NCAPD2: variants seen among roughly 807,000 people sequenced by gnomAD.
NCAPD2 encodes the protein non-SMC condensin I complex subunit D2.
In NCAPD2, 100 loss-of-function variants were observed where a neutral mutation model predicts 164.5. That is an observed-to-expected ratio of 0.61 (90% CI 0.52 to 0.72). NCAPD2 has a LOEUF of 0.72. Among genes scored for constraint, NCAPD2 ranks in the 30% least tolerant of loss-of-function variants. The probability of loss-of-function intolerance (pLI) is 0.00; values close to 1 mark genes in which losing one functional copy is unlikely to be tolerated. For synonymous variants in NCAPD2, 585 were observed against 642.6 expected, an observed-to-expected ratio of 0.91 and a Z score of 1.36; for missense variants, 1,560 against 1,749.2, an observed-to-expected ratio of 0.89 and a Z score of 1.93.
chr12:6,506,566 G>A (rs1263072413), intron 2 of NCAPD2, among the ~76,000 whole-genome samples: 1 of 151,652 alleles, frequency 6.6e-6, no homozygotes, highest in Non-Finnish European at 1.5e-5. Flanking sequence ...CTCCAGCCTG[G>A]GCGACAGAGA....
At chr12:6,501,250 T>G (rs1946032783) in intron 2 of NCAPD2, among the ~76,000 whole-genome samples, 1 of 143,814 alleles carries the variant, frequency 7.0e-6, no homozygotes, top group Non-Finnish European at 1.5e-5. Flanking sequence ...TTTTTTTTTT[T>G]TTTTTTTTTA....
chr12:6,528,431 AC>A lies in NCAPD2; in HGVS notation c.3299+105del. ...GGCTCTTCCCCTAGGCTTTGGCATCACCGCGAACATCTGCTTGATACTTGAC... is the reference window on the plus strand; with the variant it reads ...GGCTCTTCCCCTAGGCTTTGGCATCACGCGAACATCTGCTTGATACTTGAC... On this transcript the variant is annotated intron_variant, in intron 25 of 31. Coordinates refer to ENST00000315579, the MANE Select transcript of NCAPD2 (RefSeq NM_014865.4). This position sits in a 1 kb window ranked among gnomAD's most constrained non-coding sequence, Gnocchi z 5.1. 6.7e-7 allele frequency: 1 copy of A among 1,484,984 alleles called. No individual in the cohort carries two copies. Among genetic ancestry groups the A allele is most frequent in the South Asian group, 1.2e-5 (1 of 85,048 alleles). 92.0% of individuals were successfully genotyped at this position (1,484,984 alleles called of 1,614,324 possible).
rs149581216 is a variant in NCAPD2 at position 6,528,434 on chromosome 12, G to A, written c.3299+106G>A. On this transcript the variant is annotated intron_variant, in intron 25 of 31. Coordinates refer to ENST00000315579, the MANE Select transcript of NCAPD2 (RefSeq NM_014865.4). This position sits in a 1 kb window ranked among gnomAD's most constrained non-coding sequence, Gnocchi z 5.1. ...TCTTCCCCTAGGCTTTGGCATCACCGCGAACATCTGCTTGATACTTGACCT... is the reference window on the plus strand; with the variant it reads ...TCTTCCCCTAGGCTTTGGCATCACCACGAACATCTGCTTGATACTTGACCT... The A allele has an allele frequency of 2.9e-4, 427 of 1,459,210 alleles. 6 individuals are homozygous for A. The East Asian group carries it at 6.1e-3, about 21-fold the overall frequency. The allele number at this position is 1,459,210 out of a possible 1,614,324, so 90.4% of individuals were successfully genotyped here. A position where few individuals can be genotyped will look rare whatever the true frequency, so the allele number is the denominator to read the frequency against.
chr12:6,514,751 C>G, intron 8 of NCAPD2, 22 bp from the exon 9 acceptor site: 1 of 1,613,578 alleles, frequency 6.2e-7, no homozygotes, highest in East Asian at 2.2e-5. Flanking sequence ...GTTGCTATGG[C>G]TGTGTTTTCT....
At chr12:6,500,880 C>T (rs1431165498) in intron 2 of NCAPD2, among the ~76,000 whole-genome samples, 1 of 151,984 alleles carries the variant, frequency 6.6e-6, no homozygotes, top group Non-Finnish European at 1.5e-5. Flanking sequence ...AGCAGGGATA[C>T]TAGTTAAGTG....
intron 2 of NCAPD2, among the ~76,000 whole-genome samples, chr12:6,504,231 A>ATATACACATATATATATATG: frequency 3.0e-5 from 2 of 66,064 alleles, no homozygotes; most frequent in African/African-American, 1.1e-4. Flanking sequence ...ATAGATATAT[A>ATATACACATATATATATATG]TATATATATA....
chr12:6,501,448 A>G (rs1946035755), intron 2 of NCAPD2, among the ~76,000 whole-genome samples: 1 of 151,956 alleles, frequency 6.6e-6, no homozygotes, highest in African/African-American at 2.4e-5. Context: ...TCGGCCTCCC[A>G]AAATGTTGGG....
At chr12:6,502,594 T>C (rs545595386) in intron 2 of NCAPD2, among the ~76,000 whole-genome samples, 14 of 152,218 alleles carry the variant, frequency 9.2e-5, no homozygotes, top group African/African-American at 3.4e-4. Flanking sequence ...TTGTTGTTGT[T>C]GTTAATTAGT....
At chr12:6,523,136 T>C (rs1946280618) in intron 16 of NCAPD2, 126 bp from the exon 17 acceptor site, 1 of 1,433,682 alleles carries the variant, frequency 7.0e-7, no homozygotes, top group Non-Finnish European at 9.7e-7. Flanking sequence ...ATAGTGGGGC[T>C]TAGGGTGGGG....
chr12:6,504,356 G>A (rs1407326446), intron 2 of NCAPD2, among the ~76,000 whole-genome samples: 1 of 151,242 alleles, frequency 6.6e-6, no homozygotes, highest in Non-Finnish European at 1.5e-5. Context: ...GCCTACTGTT[G>A]ACCAGAAGCC....
At chr12:6,518,525 T>TTTTG (rs1946232564) in intron 13 of NCAPD2, among the ~76,000 whole-genome samples, 1 of 122,014 alleles carries the variant, frequency 8.2e-6, no homozygotes, top group African/African-American at 3.3e-5. Context: ...TTTTTTTTTT[T>TTTTG]TTTTTTTTTG....
intron 2 of NCAPD2, among the ~76,000 whole-genome samples, chr12:6,503,731 A>G (rs1284398474): frequency 6.6e-6 from 1 of 150,526 alleles, no homozygotes; most frequent in African/African-American, 2.4e-5. Flanking sequence ...AGATCGTGCC[A>G]CTGCACTTCA....
chr12:6,515,143 A>G (rs1347993449), intron 9 of NCAPD2, among the ~76,000 whole-genome samples: 6 of 152,114 alleles, frequency 3.9e-5, no homozygotes, highest in African/African-American at 1.4e-4. Context: ...AGTTCTGGTA[A>G]GGGAGATGAC....
chr12:6,513,918 T>C (rs888268191), intron 6 of NCAPD2, among the ~76,000 whole-genome samples: 7 of 151,878 alleles, frequency 4.6e-5, no homozygotes, highest in African/African-American at 1.7e-4. Context: ...GGTTTCACTA[T>C]GTTGGCCAAG....
intron 10 of NCAPD2, 60 bp downstream of exon 10, chr12:6,517,085 G>A: frequency 6.4e-7 from 1 of 1,563,546 alleles, no homozygotes; most frequent in Non-Finnish European, 8.8e-7. Flanking sequence ...GTGTAAAGAG[G>A]AATCCAGTGT....
intron 17 of NCAPD2, among the ~76,000 whole-genome samples, chr12:6,524,964 GGA>G (rs1319585935): frequency 6.6e-6 from 1 of 152,178 alleles, no homozygotes; most frequent in Non-Finnish European, 1.5e-5. Context: ...AAGAGGCAGG[GGA>G]GAGCACCTGC....
At chr12:6,504,347 C>G (rs1478993809) in intron 2 of NCAPD2, among the ~76,000 whole-genome samples, 1 of 151,148 alleles carries the variant, frequency 6.6e-6, no homozygotes, top group Non-Finnish European at 1.5e-5. Context: ...ACACTTATAG[C>G]CTACTGTTGA....
Position 6,531,584 on chromosome 12 carries a change from T to C in NCAPD2, c.*172T>C. ...ACTTTGCGATACCAAGGCGGGTGGA[T>C]AACCTGAGGTAGGGAGTTCGAGACC... is the stretch of plus-strand genomic sequence containing the variant. On this transcript the variant is annotated 3_prime_UTR_variant, in exon 32 of 32. Coordinates refer to ENST00000315579, the MANE Select transcript of NCAPD2 (RefSeq NM_014865.4). This position sits in a 1 kb window ranked among gnomAD's most constrained non-coding sequence, Gnocchi z 4.1. The C allele has an allele frequency of 7.4e-7, 1 of 1,359,784 alleles. No individual in the cohort carries two copies. Among genetic ancestry groups the C allele is most frequent in the Non-Finnish European group, 1.0e-6 (1 of 1,001,256 alleles). 84.2% of individuals were successfully genotyped at this position (1,359,784 alleles called of 1,614,324 possible).
At chr12:6,501,698 A>G (rs1326823207) in intron 2 of NCAPD2, among the ~76,000 whole-genome samples, 4 of 148,152 alleles carry the variant, frequency 2.7e-5, no homozygotes, top group African/African-American at 1.0e-4. Context: ...GTAGATGGAG[A>G]AGAGCAGCAG....
Sources: gnomAD v4.1 joint callset for allele counts (sites outside exome capture counted in the v4.1 genomes callset) on GRCh38, gnomAD v4.1.1 for gene constraint, Gnocchi (gnomAD v3.1) non-coding constraint, MANE v1.5 for transcripts, NCBI Gene and HGNC (gene_info 2026-07-23, HGNC 2026-07-21) for gene names.